CENPC: variants seen among roughly 807,000 people sequenced by gnomAD.
CENPC encodes the protein CENP-C 1.
In CENPC, 63 loss-of-function variants were observed where a neutral mutation model predicts 112.1. The observed-to-expected ratio is 0.56, with a 90% CI of 0.46 to 0.69. The LOEUF (loss-of-function observed/expected upper bound fraction) is 0.69, where lower values mean the gene tolerates loss of function less well. Among genes scored for constraint, CENPC ranks in the 30% least tolerant of loss-of-function variants. CENPC has a pLI of 0.00. For synonymous variants in CENPC, 333 were observed against 367.6 expected, an observed-to-expected ratio of 0.91 and a Z score of 1.08; for missense variants, 1,000 against 1,103.8, an observed-to-expected ratio of 0.91 and a Z score of 1.33.
intron 18 of CENPC, 187 bp downstream of exon 18, chr4:67,474,701 A>G (rs1048455132): frequency 6.5e-5 from 35 of 537,514 alleles, no homozygotes; most frequent in Non-Finnish European, 9.3e-5. Flanking sequence ...CTGTCTCAAA[A>G]ACAAAAAAAA....
chr4:67,534,375 C>T (rs978030597), intron 4 of CENPC, among the ~76,000 whole-genome samples: 3 of 152,140 alleles, frequency 2.0e-5, no homozygotes, highest in Non-Finnish European at 4.4e-5. Flanking sequence ...GAAATCGTGC[C>T]ACTGCACTCC....
chr4:67,485,749 C>T (rs955830324), intron 17 of CENPC, among the ~76,000 whole-genome samples: 1 of 152,138 alleles, frequency 6.6e-6, no homozygotes, highest in African/African-American at 2.4e-5. Flanking sequence ...TTACTCTATA[C>T]CAAGCAGTAT....
chr4:67,486,353 T>TA (rs1358143036), intron 17 of CENPC, among the ~76,000 whole-genome samples: 1 of 152,140 alleles, frequency 6.6e-6, no homozygotes, highest in Non-Finnish European at 1.5e-5. Flanking sequence ...CAAGTGCTTC[T>TA]AAAAAACATA....
At chr4:67,486,968 G>GTTTTTTTTTTTTTTTTTTTTTTT (rs58948980) in intron 17 of CENPC, among the ~76,000 whole-genome samples, 1 of 131,820 alleles carries the variant, frequency 7.6e-6, no homozygotes, top group African/African-American at 2.8e-5. Flanking sequence ...TTGCTTTTAG[G>GTTTTTTTTTTTTTTTTTTTTTTT]TTTTTTTTTT....
intron 17 of CENPC, among the ~76,000 whole-genome samples, chr4:67,481,114 C>T (rs1213551259): frequency 2.6e-5 from 4 of 152,138 alleles, no homozygotes; most frequent in Non-Finnish European, 4.4e-5. Context: ...ACAAAATCAA[C>T]GTACACAAAT....
chr4:67,484,819 C>T (rs549814818), intron 17 of CENPC, among the ~76,000 whole-genome samples: 13 of 152,258 alleles, frequency 8.5e-5, no homozygotes, highest in African/African-American at 2.9e-4. Context: ...CCGCACTGGG[C>T]GCAGTGGCTC....
chr4:67,490,937 A>C (rs1239474100), intron 16 of CENPC, among the ~76,000 whole-genome samples: 1 of 148,112 alleles, frequency 6.8e-6, no homozygotes, highest in African/African-American at 2.5e-5. Context: ...GAAACAAATA[A>C]GAAATGAACT....
At chr4:67,541,324 T>C (rs577880460) in intron 2 of CENPC, among the ~76,000 whole-genome samples, 1 of 152,336 alleles carries the variant, frequency 6.6e-6, no homozygotes, top group African/African-American at 2.4e-5. Flanking sequence ...ATTACTGCTG[T>C]ATCTCAAAAA....
At chr4:67,474,795 T>C in intron 18 of CENPC, 93 bp downstream of exon 18, 2 of 727,680 alleles carry the variant, frequency 2.7e-6, no homozygotes, top group Non-Finnish European at 4.9e-6. Context: ...CCATCAGTCA[T>C]ATCACACTTC....
chr4:67,477,801 T>TA (rs1724845727), intron 17 of CENPC, among the ~76,000 whole-genome samples: 2 of 151,986 alleles, frequency 1.3e-5, no homozygotes, highest in African/African-American at 4.8e-5. Flanking sequence ...AATTTTTTTT[T>TA]AAAAATACAG....
At chr4:67,473,134 T>C (rs955960685) in intron 18 of CENPC, among the ~76,000 whole-genome samples, 13 of 152,308 alleles carry the variant, frequency 8.5e-5, no homozygotes, top group East Asian at 3.9e-4. Flanking sequence ...CTCGCTATAT[T>C]GCCCAGGCAG....
At chr4:67,520,249 G>C (rs941988475) in intron 5 of CENPC, among the ~76,000 whole-genome samples, 2 of 152,194 alleles carry the variant, frequency 1.3e-5, no homozygotes, top group Non-Finnish European at 1.5e-5. Context: ...GCCCTGGGCT[G>C]TGCTATGGGA....
At chr4:67,482,296 T>C (rs1473999859) in intron 17 of CENPC, among the ~76,000 whole-genome samples, 1 of 152,170 alleles carries the variant, frequency 6.6e-6, no homozygotes, top group African/African-American at 2.4e-5. Context: ...AAGGGAACAA[T>C]TTTACACTAA....
intron 5 of CENPC, among the ~76,000 whole-genome samples, chr4:67,528,316 T>A (rs1726445893): frequency 1.3e-5 from 2 of 152,284 alleles, no homozygotes; most frequent in Admixed American, 1.3e-4. Context: ...TATTAAAATA[T>A]TTTTTATGAT....
intron 4 of CENPC, among the ~76,000 whole-genome samples, chr4:67,538,764 G>A (rs1726800797): frequency 6.6e-6 from 1 of 152,180 alleles, no homozygotes; most frequent in East Asian, 1.9e-4. Flanking sequence ...CAGTTACAAA[G>A]GACCTAGAAT....
intron 9 of CENPC, chr4:67,510,739 C>T (rs1031941021): frequency 9.7e-6 from 3 of 308,230 alleles, no homozygotes; most frequent in Non-Finnish European, 1.9e-5. Context: ...GCAACAGTGT[C>T]ACACGTACGA....
At chr4:67,503,667 TTA>T (rs1436807198) in intron 12 of CENPC, among the ~76,000 whole-genome samples, 1 of 152,122 alleles carries the variant, frequency 6.6e-6, no homozygotes, top group East Asian at 1.9e-4. Context: ...ATATATCCAC[TTA>T]TGTTATCAAC....
intron 5 of CENPC, among the ~76,000 whole-genome samples, chr4:67,524,733 T>G (rs355498): frequency 6.6e-6 from 1 of 151,972 alleles, no homozygotes; most frequent in Admixed American, 6.5e-5. Context: ...AGAATCAATA[T>G]AGTGAAAATG....
chr4:67,486,392 A>T (rs1054405173), intron 17 of CENPC, among the ~76,000 whole-genome samples: 2 of 152,230 alleles, frequency 1.3e-5, no homozygotes, highest in African/African-American at 4.8e-5. Context: ...CACCTAAAAA[A>T]TAAATATTTA....
Sources: gnomAD v4.1 joint callset for allele counts (sites outside exome capture counted in the v4.1 genomes callset) on GRCh38, gnomAD v4.1.1 for gene constraint, MANE v1.5 for transcripts, NCBI Gene and HGNC (gene_info 2026-07-23, HGNC 2026-07-21) for gene names.